Variants in MCMDC2 observed in about 807,000 individuals in gnomAD.
The protein encoded by MCMDC2 is minichromosome maintenance domain-containing protein 2.
In MCMDC2, 54 loss-of-function variants were observed where a neutral mutation model predicts 75.8. The ratio of observed to expected loss-of-function variants is 0.71; its 90% CI spans 0.57 to 0.89. The LOEUF is 0.89. Ranked by LOEUF, MCMDC2 falls within the 40% of genes least tolerant of loss-of-function variation. MCMDC2 has a pLI of 0.00. For missense variants in MCMDC2, 656 were observed against 780.4 expected (o/e 0.84, Z 1.90); for synonymous variants, 249 against 274.6 (o/e 0.91, Z 0.92).
At chr8:66,911,433 T>A (rs757981264) in intron 14 of MCMDC2, among the ~76,000 whole-genome samples, 1 of 152,188 alleles carries the variant, frequency 6.6e-6, no homozygotes, top group African/African-American at 2.4e-5. Context: ...CAATTAAACC[T>A]CTTTCCTTTA....
chr8:66,883,867 C>A lies in MCMDC2; in HGVS notation c.946C>A (p.Pro316Thr). 1 of 1,614,022 alleles carries A rather than the reference C, an allele frequency of 6.2e-7. No homozygotes were observed. Among genetic ancestry groups the A allele is most frequent in the Non-Finnish European group, 8.5e-7 (1 of 1,179,962 alleles). The change falls in exon 9 of 15, where the codon CCT becomes ACT. Residue 316 changes from proline (P) to threonine (T), a missense_variant. Coordinates refer to ENST00000422365, the MANE Select transcript of MCMDC2 (RefSeq NM_173518.5). ...ANIFASQITP[P>T]GTYNLLKLCL... ...TATCTTTGCATCACAAATTACCCCTCCTGGGACTTACAATTTGCTCAAGCT... is the reference window on the plus strand; with the variant it reads ...TATCTTTGCATCACAAATTACCCCTACTGGGACTTACAATTTGCTCAAGCT...
intron 12 of MCMDC2, 109 bp downstream of exon 12, chr8:66,897,068 A>G (rs1284808973): frequency 4.8e-6 from 5 of 1,051,028 alleles, no homozygotes; most frequent in Admixed American, 3.0e-5. Flanking sequence ...CTTTTATTCC[A>G]TCTTGGTTCC....
intron 14 of MCMDC2, among the ~76,000 whole-genome samples, chr8:66,915,829 G>A (rs779147681): frequency 2.6e-5 from 4 of 152,130 alleles, no homozygotes; most frequent in Non-Finnish European, 5.9e-5. Flanking sequence ...ATGGGGTTGT[G>A]GAGGAGGAAC....
intron 10 of MCMDC2, 146 bp from the exon 11 acceptor site, chr8:66,896,024 C>A: frequency 1.5e-6 from 1 of 645,814 alleles, no homozygotes; most frequent in Non-Finnish European, 2.5e-6. Flanking sequence ...GAACTTAGAG[C>A]ATTGTCTTGC....
At chr8:66,896,088 T>C (rs1812338285) in intron 10 of MCMDC2, 82 bp from the exon 11 acceptor site, 2 of 1,206,160 alleles carry the variant, frequency 1.7e-6, no homozygotes, top group Non-Finnish European at 1.2e-6. Flanking sequence ...AGTATAATTA[T>C]ATATAATAAT....
chr8:66,911,019 T>A (rs895199267), intron 14 of MCMDC2, among the ~76,000 whole-genome samples: 11 of 152,236 alleles, frequency 7.2e-5, no homozygotes, highest in African/African-American at 2.7e-4. Context: ...ACTTTGGACT[T>A]GGACTTTTGG....
In MCMDC2 at chr8:66,921,069, T is replaced by TA. The variant is rs1467775939; in HGVS notation, c.*1902dup. 1 of 152,170 alleles carries TA rather than the reference T, an allele frequency of 6.6e-6. No individual in the cohort carries two copies. Among genetic ancestry groups the TA allele is most frequent in the Admixed American group, 6.6e-5 (1 of 15,264 alleles). 9.4% of individuals were successfully genotyped at this position (152,170 alleles called of 1,614,324 possible). On this transcript the variant is annotated 3_prime_UTR_variant, in exon 15 of 15. Coordinates refer to ENST00000422365, the MANE Select transcript of MCMDC2 (RefSeq NM_173518.5). ...ATGCAATCATAGCTCACTGCCACCT[T>TA]AATCTCCCCAGCTCAAAAAACCCAA...
In MCMDC2 at chr8:66,878,622, C is replaced by A. The variant is rs369484487; in HGVS notation, c.530C>A (p.Thr177Lys). The A allele has an allele frequency of 1.9e-5, 30 of 1,569,240 alleles. No individual in the cohort carries two copies. Among genetic ancestry groups the A allele is most frequent in the Non-Finnish European group, 2.4e-5 (28 of 1,164,946 alleles). The change falls in exon 6 of 15, where the codon ACG (threonine) becomes AAG (lysine). Residue 177 changes from threonine (T) to lysine (K), a missense_variant. Thr to Lys is a moderately conservative substitution (Grantham distance 78, BLOSUM62 -1). Coordinates refer to ENST00000422365, the MANE Select transcript of MCMDC2 (RefSeq NM_173518.5). ...GTGCCTGGTGCTACAGAATCTGCAA[C>A]GATAAGAAATGACTTTTTGTGTAAT... ...VHVPGATESA[T>K]IRNDFLCNLC...
chr8:66,899,698 A>T (rs1425045992), intron 12 of MCMDC2, among the ~76,000 whole-genome samples: 1 of 151,808 alleles, frequency 6.6e-6, no homozygotes, highest in Non-Finnish European at 1.5e-5. Flanking sequence ...GGGTTTCACC[A>T]TGTTGGCCAG....
chr8:66,880,705 T>C (rs1811516873), intron 7 of MCMDC2, 144 bp from the exon 8 acceptor site: 1 of 767,966 alleles, frequency 1.3e-6, no homozygotes, highest in African/African-American at 1.8e-5. Context: ...AGTGTCACTC[T>C]ATATGGATAT....
At chr8:66,896,075 C>T in intron 10 of MCMDC2, 95 bp from the exon 11 acceptor site, 1 of 1,113,666 alleles carries the variant, frequency 9.0e-7, no homozygotes, top group East Asian at 2.7e-5. Context: ...CCAAAGTCTA[C>T]ACAGTATAAT....
intron 14 of MCMDC2, among the ~76,000 whole-genome samples, chr8:66,913,257 C>A (rs986711210): frequency 1.3e-5 from 2 of 152,172 alleles, no homozygotes; most frequent in Non-Finnish European, 2.9e-5. Flanking sequence ...AATGCTATTG[C>A]ACACTTAGAC....
At chr8:66,877,082 C>T (rs1036304137) in intron 4 of MCMDC2, among the ~76,000 whole-genome samples, 4 of 151,968 alleles carry the variant, frequency 2.6e-5, no homozygotes, top group African/African-American at 9.7e-5. Context: ...TTTTTTAAGT[C>T]TTTTCAGTGG....
At chr8:66,901,578 C>T in intron 13 of MCMDC2, 1 of 1,198,874 alleles carries the variant, frequency 8.3e-7, no homozygotes, top group Non-Finnish European at 1.0e-6. Context: ...TTATTGGATG[C>T]CATATGAGAT....
intron 13 of MCMDC2, among the ~76,000 whole-genome samples, chr8:66,902,709 AAAATATATAT>A (rs1812737469): frequency 2.8e-5 from 3 of 106,190 alleles, no homozygotes; most frequent in Non-Finnish European, 5.4e-5. Context: ...AAAAAAAAAA[AAAATATATAT>A]ATATATATAT....
At chr8:66,881,959 A>G (rs1045583396) in intron 8 of MCMDC2, among the ~76,000 whole-genome samples, 6 of 152,226 alleles carry the variant, frequency 3.9e-5, no homozygotes, top group Non-Finnish European at 7.3e-5. Context: ...AATGGGCTAT[A>G]TATATTCAAA....
intron 1 of MCMDC2, among the ~76,000 whole-genome samples, chr8:66,873,518 C>G (rs1303470966): frequency 1.3e-5 from 2 of 152,132 alleles, no homozygotes; most frequent in Non-Finnish European, 1.5e-5. Context: ...TTTGGGAGTA[C>G]CTCTGTTAAG....
intron 8 of MCMDC2, among the ~76,000 whole-genome samples, chr8:66,882,451 C>T (rs1811630707): frequency 6.6e-6 from 1 of 152,056 alleles, no homozygotes; most frequent in Non-Finnish European, 1.5e-5. Flanking sequence ...CTGCAACCTC[C>T]ACCTCCCGAG....
At position 66,874,266 on chromosome 8, in the gene MCMDC2, A is replaced by G. The variant is rs765060637; in HGVS notation, c.94+32A>G. On this transcript the variant is annotated intron_variant, in intron 2 of 14. Coordinates refer to ENST00000422365, the MANE Select transcript of MCMDC2 (RefSeq NM_173518.5). The stretch of plus-strand genomic sequence containing the variant: ...TCAGCAAAGGTGAGTTATTTTTAAA[A>G]CTTTCAAATAAACTCCTACACATAG... 7.5e-6 allele frequency: 12 copies of G among 1,602,710 alleles called. No individual in the cohort carries two copies. The Admixed American group carries it at 1.1e-4, about 14-fold the overall frequency.
Sources: gnomAD v4.1 joint callset for allele counts (sites outside exome capture counted in the v4.1 genomes callset) on GRCh38, gnomAD v4.1.1 for gene constraint, MANE v1.5 for transcripts, NCBI Gene and HGNC (gene_info 2026-07-23, HGNC 2026-07-21) for gene names.